IGF2R: variants seen among roughly 807,000 people sequenced by gnomAD.
IGF2R encodes insulin like growth factor 2 receptor, also known as cation-independent mannose-6-phosphate receptor.
IGF2R carries 91 observed loss-of-function variants against 270.6 expected under a neutral mutation model. The ratio of observed to expected loss-of-function variants is 0.34; its 90% CI spans 0.28 to 0.40. The LOEUF (loss-of-function observed/expected upper bound fraction) is 0.40, where lower values mean the gene tolerates loss of function less well. Ranked by LOEUF, IGF2R falls within the 10% of genes least tolerant of loss-of-function variation. The pLI, the probability that IGF2R is intolerant of heterozygous loss-of-function variation, is 1.00. For synonymous variants in IGF2R, 1,316 were observed against 1,258.9 expected, an observed-to-expected ratio of 1.05 and a Z score of -0.96; for missense variants, 2,805 against 3,188.3, an observed-to-expected ratio of 0.88 and a Z score of 2.90.
At chr6:160,100,011 A>G (rs548153347) in intron 45 of IGF2R, among the ~76,000 whole-genome samples, 2 of 152,368 alleles carry the variant, frequency 1.3e-5, no homozygotes, top group East Asian at 3.9e-4. Context: ...TAATATAAAT[A>G]TAGTATGTAA....
chr6:160,079,735 C>T lies in IGF2R; in HGVS notation c.5634C>T (p.His1878=), dbSNP rs1256147151. The T allele has an allele frequency of 1.3e-6, 2 of 1,491,316 alleles. No homozygotes were observed. The highest frequency in any genetic ancestry group is 2.4e-5 in the East Asian group (1 of 41,730). 92.4% of individuals were successfully genotyped at this position (1,491,316 alleles called of 1,614,324 possible). Residue 1878 remains histidine (H), a synonymous_variant, in exon 38 of 48, where the codon CAC becomes CAT. Coordinates refer to ENST00000356956, the MANE Select transcript of IGF2R (RefSeq NM_000876.4). ...AATCAATGAAACTGGATTACAGGCA[C>T]CAGGATGAAGCGGTCGTTTTAAGTT... ...RLQSMKLDYR[H]QDEAVVLSYV... is the part of the protein sequence containing the mutation.
At chr6:159,990,466 G>C (rs138630205) in intron 1 of IGF2R, among the ~76,000 whole-genome samples, 204 of 152,242 alleles carry the variant, frequency 1.3e-3, no homozygotes, top group African/African-American at 4.8e-3. Flanking sequence ...CTTCTGTCAC[G>C]ATTGTAAGTT....
At chr6:160,012,204 G>GT (rs1784345021) in intron 4 of IGF2R, among the ~76,000 whole-genome samples, 1 of 152,120 alleles carries the variant, frequency 6.6e-6, no homozygotes, top group Non-Finnish European at 1.5e-5. Flanking sequence ...AGTGTCAAAT[G>GT]TAAGCTTCAT....
intron 39 of IGF2R, among the ~76,000 whole-genome samples, chr6:160,082,563 G>A (rs1393863298): frequency 2.0e-5 from 3 of 152,280 alleles, no homozygotes; most frequent in Admixed American, 6.5e-5. Context: ...GCCCACCTCG[G>A]CCTCCCAGAG....
At chr6:159,978,834 A>C (rs1783735527) in intron 1 of IGF2R, among the ~76,000 whole-genome samples, 1 of 151,954 alleles carries the variant, frequency 6.6e-6, no homozygotes, top group South Asian at 2.1e-4. Flanking sequence ...CTTTGGTAGG[A>C]GTTTTCTTTT....
chr6:160,040,616 T>A lies in IGF2R; in HGVS notation c.1372T>A (p.Phe458Ile), dbSNP rs762328569. ...FTGEVDCTYF[F>I]TWDTEYACVK... ...AGGGGAGGTTGACTGCACCTACTTC[T>A]TCACATGGGACACGGAATACGCCTG... Residue 458 changes from phenylalanine to isoleucine, a missense_variant, in exon 11 of 48, where the codon TTC becomes ATC. By Grantham distance (21) the Phe-to-Ile change is conservative. Around this residue, in one of 2 missense-constraint regions of IGF2R, gnomAD observed 954 missense variants for 981.1 expected, o/e 0.97. Transcript: ENST00000356956. 1.9e-6 allele frequency: 3 copies of A among 1,614,150 alleles called. No homozygotes were observed. Among genetic ancestry groups the A allele is most frequent in the South Asian group, 2.2e-5 (2 of 91,082 alleles).
chr6:160,073,790 G>A lies in IGF2R; in HGVS notation c.4981G>A (p.Val1661Ile), dbSNP rs1778797405. The A allele has an allele frequency of 6.2e-7, 1 of 1,614,056 alleles. No individual in the cohort carries two copies. Among genetic ancestry groups the A allele is most frequent in the South Asian group, 1.1e-5 (1 of 91,084 alleles). The change falls in exon 35 of 48, where the codon GTT (valine) becomes ATT (isoleucine). Residue 1661 changes from valine to isoleucine, a missense_variant. Physicochemically the swap from Val to Ile is conservative, Grantham distance 29. This residue lies in a region of IGF2R where 1,851 missense variants were observed against 2,207.2 expected (regional missense o/e 0.84). Transcript: ENST00000356956. ...TTCCGTGAGGAATGGAAGCTCTATT[G>A]TTGACTTGTCTCCCCTTATTCATCG... ...ECSVRNGSSIVDLSPLIHRTG... is the reference protein window; with the variant it reads ...ECSVRNGSSIIDLSPLIHRTG...
At position 159,991,208 on chromosome 6, in the gene IGF2R, CA is replaced by C; in HGVS notation, c.179del (p.Asn60IlefsTer29). 1.2e-6 allele frequency: 2 copies of C among 1,609,742 alleles called. No individual in the cohort carries two copies. The highest frequency in any genetic ancestry group is 1.7e-6 in the Non-Finnish European group (2 of 1,177,612). ...CSYTWEAVDT[K>X]NNVLYKINIC... Reference sequence around the variant, plus strand: ...GTTATACATGGGAAGCTGTTGATACCAAAAATAATGTACTTTATAAAATCAA... The same window carrying C: ...GTTATACATGGGAAGCTGTTGATACCAAAATAATGTACTTTATAAAATCAA... On this transcript the variant is annotated frameshift_variant, in exon 2 of 48. Transcript: ENST00000356956. LOFTEE classifies it high-confidence loss of function.
At chr6:160,000,392 CTT>C (rs781531359) in intron 2 of IGF2R, among the ~76,000 whole-genome samples, 39 of 152,102 alleles carry the variant, frequency 2.6e-4, no homozygotes, top group Non-Finnish European at 5.0e-4. Flanking sequence ...AGTGAGAACT[CTT>C]ATCACGAGAC....
At chr6:159,987,189 CAGTT>C (rs1562333344) in intron 1 of IGF2R, among the ~76,000 whole-genome samples, 1 of 152,020 alleles carries the variant, frequency 6.6e-6, no homozygotes, top group Non-Finnish European at 1.5e-5. Context: ...AACTTGTTGT[CAGTT>C]ATTTATACGA....
chr6:160,103,580 G>T (rs929899728), intron 46 of IGF2R, among the ~76,000 whole-genome samples, 166 bp from the exon 47 acceptor site: 1 of 151,914 alleles, frequency 6.6e-6, no homozygotes, highest in East Asian at 1.9e-4. Flanking sequence ...ATACATTAGG[G>T]TATATATAAC....
intron 1 of IGF2R, among the ~76,000 whole-genome samples, chr6:159,990,291 T>A (rs1783956089): frequency 6.6e-6 from 1 of 152,138 alleles, no homozygotes; most frequent in East Asian, 1.9e-4. Flanking sequence ...CCCCATGTGT[T>A]GTGGGAGGGA....
At chr6:159,982,613 T>G (rs954930222) in intron 1 of IGF2R, among the ~76,000 whole-genome samples, 1 of 152,252 alleles carries the variant, frequency 6.6e-6, no homozygotes. Context: ...TTATTATTAC[T>G]GATCCCATCC....
At position 160,024,576 on chromosome 6, in the gene IGF2R, C is replaced by T; in HGVS notation, c.518C>T (p.Pro173Leu). The change falls in exon 5 of 48, where the codon CCA becomes CTA. Residue 173 changes from proline to leucine, a missense_variant. By Grantham distance (98) the Pro-to-Leu change is moderately conservative. Coordinates refer to ENST00000356956, the MANE Select transcript of IGF2R (RefSeq NM_000876.4). ...TTTTTTCTTCCTCCCTTCCAGGTGC[C>T]ATGCTATGTGTTTGATGAAGAGTTG... is the stretch of plus-strand genomic sequence containing the variant. ...KDIFKANKEV[P>L]CYVFDEELRK... 6.2e-7 allele frequency: 1 copy of T among 1,613,994 alleles called. No individual in the cohort carries two copies. The highest frequency in any genetic ancestry group is 8.5e-7 in the Non-Finnish European group (1 of 1,179,956).
At chr6:160,013,907 A>T (rs1184482800) in intron 4 of IGF2R, among the ~76,000 whole-genome samples, 1 of 152,246 alleles carries the variant, frequency 6.6e-6, no homozygotes, top group Admixed American at 6.5e-5. Flanking sequence ...TTTAAAACAT[A>T]TTGAAGGTTT....
chr6:159,993,891 A>G (rs1428655158), intron 2 of IGF2R, among the ~76,000 whole-genome samples: 2 of 150,180 alleles, frequency 1.3e-5, no homozygotes, highest in Non-Finnish European at 3.0e-5. Context: ...ATATTGGCCT[A>G]TAGTTTTCCT....
In IGF2R at chr6:160,043,187, C is replaced by T. The variant is rs375243560; in HGVS notation, c.1520C>T (p.Thr507Met). The change falls in exon 12 of 48, where the codon ACG becomes ATG. Residue 507 changes from threonine (T) to methionine (M), a missense_variant. By Grantham distance (81) the Thr-to-Met change is moderately conservative. Around this residue, in one of 2 missense-constraint regions of IGF2R, gnomAD observed 954 missense variants for 981.1 expected, o/e 0.97. Transcript: ENST00000356956. The part of the protein sequence containing the change: ...QNWEAVDGSQ[T>M]ETEKKHFFIN... ...TGGGAAGCTGTGGATGGCAGTCAGA[C>T]GGAAACAGAGAAGAAGCATTTTTTC... The T allele has an allele frequency of 8.0e-5, 129 of 1,614,076 alleles. No homozygotes were observed. In the Middle Eastern group the frequency reaches 9.9e-4, roughly 12 times the overall value.
intron 44 of IGF2R, among the ~76,000 whole-genome samples, chr6:160,091,401 C>T (rs1213287136): frequency 6.6e-6 from 1 of 151,966 alleles, no homozygotes; most frequent in Non-Finnish European, 1.5e-5. Flanking sequence ...AGCAGGTGCT[C>T]CGTGCCCTGG....
At chr6:160,033,850 G>T (rs1777753912) in intron 9 of IGF2R, among the ~76,000 whole-genome samples, 1 of 152,140 alleles carries the variant, frequency 6.6e-6, no homozygotes, top group Non-Finnish European at 1.5e-5. Context: ...CCTTAACTTG[G>T]TAGTTGACCT....
Sources: allele counts gnomAD v4.1 joint callset (sites outside exome capture counted in the v4.1 genomes callset), GRCh38; gene constraint gnomAD v4.1.1; regional missense constraint gnomAD v4.1.1; transcripts MANE v1.5; gene names NCBI Gene and HGNC (gene_info 2026-07-23, HGNC 2026-07-21).